The following NELL1 variants were observed in gnomAD, a reference collection of about 807,000 sequenced individuals.
NELL1 encodes the protein protein kinase C-binding protein NELL1.
A neutral mutation model predicts 107.4 loss-of-function variants in NELL1; 76 were observed. The ratio of observed to expected loss-of-function variants is 0.71; its 90% CI spans 0.59 to 0.86. The LOEUF (loss-of-function observed/expected upper bound fraction) is 0.86, where lower values mean the gene tolerates loss of function less well. NELL1 is among the 40% of genes least tolerant of loss of function. The pLI, the probability that NELL1 is intolerant of heterozygous loss-of-function variation, is 0.00. For synonymous variants in NELL1, 353 were observed against 341.2 expected (o/e 1.03, Z -0.38); for missense variants, 1,024 against 1,005.5 (o/e 1.02, Z -0.25).
intron 12 of NELL1, among the ~76,000 whole-genome samples, chr11:21,032,144 C>G (rs181924726): frequency 4.4e-4 from 66 of 151,086 alleles, no homozygotes; most frequent in Non-Finnish European, 8.0e-4. Flanking sequence ...TAAGAAATAC[C>G]TCTTTATGTG....
At chr11:20,728,968 A>G (rs1855569299) in intron 2 of NELL1, among the ~76,000 whole-genome samples, 1 of 152,116 alleles carries the variant, frequency 6.6e-6, no homozygotes, top group Admixed American at 6.5e-5. Context: ...TCTTTGTGTC[A>G]TCTATGATTT....
intron 15 of NELL1, among the ~76,000 whole-genome samples, chr11:21,447,437 A>G (rs997967662): frequency 5.9e-5 from 9 of 152,124 alleles, no homozygotes; most frequent in African/African-American, 2.2e-4. Context: ...AGCATGTACT[A>G]CCTGGTTACT....
chr11:21,357,973 C>T (rs1029627865), intron 14 of NELL1, among the ~76,000 whole-genome samples: 4 of 152,156 alleles, frequency 2.6e-5, no homozygotes, highest in Admixed American at 2.6e-4. Context: ...GGTGTTATTT[C>T]TGCTTTCTCT....
chr11:20,973,432 T>A (rs558784688), intron 12 of NELL1, among the ~76,000 whole-genome samples: 3 of 152,290 alleles, frequency 2.0e-5, no homozygotes, highest in South Asian at 4.1e-4. Flanking sequence ...TCTTAACATA[T>A]TTTTTAGGTT....
chr11:21,229,387 C>A lies in NELL1; in HGVS notation c.1482C>A (p.Thr494=), dbSNP rs1857982063. ...ACTGTGATGAGAATGCCATCTGCACCAACACTGTCCAGGGACACAGCTGCA... is the reference window on the plus strand; with the variant it reads ...ACTGTGATGAGAATGCCATCTGCACAAACACTGTCCAGGGACACAGCTGCA... ...QHNCDENAIC[T]NTVQGHSCTC... is the part of the protein sequence containing the mutation. Residue 494 remains threonine, a synonymous_variant, in exon 14 of 20, where the codon ACC becomes ACA. Transcript: ENST00000357134. 2.5e-6 allele frequency: 4 copies of A among 1,613,864 alleles called. No individual in the cohort carries two copies. The South Asian group carries it at 4.4e-5, about 18-fold the overall frequency.
intron 13 of NELL1, among the ~76,000 whole-genome samples, chr11:21,166,317 A>G (rs1047648575): frequency 6.6e-6 from 1 of 151,880 alleles, no homozygotes; most frequent in Non-Finnish European, 1.5e-5. Flanking sequence ...AATAAGATGT[A>G]GTATTTGCTT....
At chr11:21,081,553 T>G (rs1180275986) in intron 12 of NELL1, among the ~76,000 whole-genome samples, 1 of 152,146 alleles carries the variant, frequency 6.6e-6, no homozygotes. Context: ...TCTCTGGCAG[T>G]CTTTACTATC....
chr11:21,084,944 C>T (rs950676575), intron 12 of NELL1, among the ~76,000 whole-genome samples: 6 of 152,210 alleles, frequency 3.9e-5, no homozygotes, highest in Admixed American at 6.5e-5. Flanking sequence ...AGCAGAGTGA[C>T]CCTGGACTAG....
At chr11:20,956,273 A>G (rs377547560) in intron 11 of NELL1, among the ~76,000 whole-genome samples, 3 of 152,118 alleles carry the variant, frequency 2.0e-5, no homozygotes, top group East Asian at 1.9e-4. Flanking sequence ...AGATTATTCT[A>G]TTTGAATCAG....
At chr11:20,714,381 T>C (rs1043624324) in intron 2 of NELL1, among the ~76,000 whole-genome samples, 2 of 146,180 alleles carry the variant, frequency 1.4e-5, no homozygotes, top group Non-Finnish European at 3.0e-5. Flanking sequence ...TTTTTTTTTG[T>C]AGTTTTAGTA....
intron 14 of NELL1, among the ~76,000 whole-genome samples, chr11:21,350,713 G>T (rs183455032): frequency 6.6e-6 from 1 of 152,264 alleles, no homozygotes; most frequent in East Asian, 1.9e-4. Flanking sequence ...GAGACAGAGA[G>T]TTGAAAGACA....
chr11:20,672,983 C>A (rs375768884), intron 1 of NELL1, among the ~76,000 whole-genome samples: 19,588 of 113,660 alleles, frequency 0.17, 3,290 homozygotes, highest in South Asian at 0.2. Context: ...CCCCCCCCCC[C>A]CCCCGAGTAG....
chr11:21,240,526 T>C (rs140299456), intron 14 of NELL1, among the ~76,000 whole-genome samples: 1 of 152,132 alleles, frequency 6.6e-6, no homozygotes, highest in East Asian at 1.9e-4. Context: ...AATTATCTCA[T>C]CTAAGTTACC....
intron 14 of NELL1, among the ~76,000 whole-genome samples, chr11:21,267,602 CTGAG>C (rs1180888105): frequency 1.3e-5 from 2 of 151,736 alleles, no homozygotes; most frequent in African/African-American, 2.4e-5. Context: ...TCATTACAGT[CTGAG>C]TATGTTCCTG....
chr11:21,246,015 T>A (rs186503828), intron 14 of NELL1, among the ~76,000 whole-genome samples: 18 of 152,240 alleles, frequency 1.2e-4, no homozygotes, highest in East Asian at 1.9e-4. Context: ...TTCCATTTAA[T>A]ACAAATTGTT....
At chr11:21,319,323 G>A (rs1409042316) in intron 14 of NELL1, among the ~76,000 whole-genome samples, 2 of 151,414 alleles carry the variant, frequency 1.3e-5, no homozygotes. Flanking sequence ...TTAGAGGTGT[G>A]CACCACTATG....
chr11:21,352,399 T>G (rs1300447432), intron 14 of NELL1, among the ~76,000 whole-genome samples: 1 of 152,172 alleles, frequency 6.6e-6, no homozygotes, highest in Non-Finnish European at 1.5e-5. Context: ...GTATTTTGAT[T>G]GATAGTTTTT....
At chr11:21,300,949 A>G (rs991582130) in intron 14 of NELL1, among the ~76,000 whole-genome samples, 1 of 151,972 alleles carries the variant, frequency 6.6e-6, no homozygotes, top group South Asian at 2.1e-4. Flanking sequence ...CCTGTGTCCA[A>G]GTGTTCTCAT....
At chr11:21,044,426 C>G (rs552618560) in intron 12 of NELL1, among the ~76,000 whole-genome samples, 1 of 152,218 alleles carries the variant, frequency 6.6e-6, no homozygotes, top group Non-Finnish European at 1.5e-5. Flanking sequence ...TTAAGCAACG[C>G]ATTTGAGAAG....
Sources: gnomAD v4.1 joint callset for allele counts (sites outside exome capture counted in the v4.1 genomes callset) on GRCh38, gnomAD v4.1.1 for gene constraint, MANE v1.5 for transcripts, NCBI Gene and HGNC (gene_info 2026-07-23, HGNC 2026-07-21) for gene names.